Variants in ADARB2 observed in about 807,000 individuals in gnomAD.
The protein encoded by ADARB2 is adenosine deaminase RNA specific B2 (inactive), also known as inactive double-stranded RNA-specific editase B2.
A neutral mutation model predicts 62.2 loss-of-function variants in ADARB2; 25 were observed. That is an observed-to-expected ratio of 0.40 (90% CI 0.29 to 0.56). The LOEUF (loss-of-function observed/expected upper bound fraction) is 0.56, where lower values mean the gene tolerates loss of function less well. Ranked by LOEUF, ADARB2 falls within the 20% of genes least tolerant of loss-of-function variation. ADARB2 has a pLI of 0.43. For missense variants in ADARB2, 1,071 were observed against 1,077.4 expected (o/e 0.99, Z 0.08); for synonymous variants, 572 against 500.8 (o/e 1.14, Z -1.90).
In ADARB2 at chr10:1,558,959, G is replaced by A. The variant is rs538562039; in HGVS notation, c.100+178092C>T. Among the ~76,000 whole-genome samples, 10 of 152,346 alleles carry A rather than the reference G, an allele frequency of 6.6e-5. No individual in the cohort carries two copies. The East Asian group carries it at 1.2e-3, about 18-fold the overall frequency. On this transcript the variant is annotated intron_variant, in intron 1 of 9. Transcript: ENST00000381312. ...CAGTGGGCTGGTTTGTTCACGTTTG[G>A]ACTCAAAGCCTGGCACATGTACATC...
rs188676790 is a variant in ADARB2, at chr10:1,274,314, T to G, written c.1078-3245A>C. ...TTCACTGTCGTTGCCAGCTCTGGTATCCGATTCTGGGTGATTCATGGGTGT... is the reference window on the plus strand; with the variant it reads ...TTCACTGTCGTTGCCAGCTCTGGTAGCCGATTCTGGGTGATTCATGGGTGT... On this transcript the variant is annotated intron_variant, in intron 3 of 9. Coordinates refer to ENST00000381312, the MANE Select transcript of ADARB2 (RefSeq NM_018702.4). Among the ~76,000 whole-genome samples, 206 of 152,352 alleles carry G rather than the reference T, an allele frequency of 1.4e-3. 1 individual carries two copies. Among genetic ancestry groups the G allele is most frequent in the Admixed American group, 9.8e-4 (15 of 15,304 alleles).
intron 1 of ADARB2, among the ~76,000 whole-genome samples, chr10:1,472,098 T>G (rs1014229964): frequency 1.3e-5 from 2 of 152,188 alleles, no homozygotes; most frequent in Non-Finnish European, 1.5e-5. Context: ...TGAGTGCCAG[T>G]GAGACGGCTG....
chr10:1,401,322 C>T (rs1316084305), intron 1 of ADARB2, among the ~76,000 whole-genome samples: 1 of 152,196 alleles, frequency 6.6e-6, no homozygotes, highest in African/African-American at 2.4e-5. Context: ...GCACAGAGCC[C>T]TGCGGGGACC....
At chr10:1,557,238 C>CCA (rs201289350) in intron 1 of ADARB2, among the ~76,000 whole-genome samples, 1 of 21,562 alleles carries the variant, frequency 4.6e-5, no homozygotes, top group African/African-American at 7.0e-5. Context: ...CCAGCCACCA[C>CCA]CTCGTCTGAC....
In ADARB2 at chr10:1,234,757, T is replaced by C. The variant is rs1413611125; in HGVS notation, c.1362-912A>G. ...ATGATCTTTTTTTTTTTTTTTTTTT[T>C]TTTTTTTTTTTGTGACGGAGTCTTG... is the stretch of plus-strand genomic sequence containing the variant. On this transcript the variant is annotated intron_variant, in intron 5 of 9. Coordinates refer to ENST00000381312, the MANE Select transcript of ADARB2 (RefSeq NM_018702.4). 1.4e-4 allele frequency among the ~76,000 whole-genome samples: 18 copies of C among 132,550 alleles called. No individual in the cohort carries two copies. The South Asian group carries it at 1.8e-3, about 14-fold the overall frequency. The allele number at this position is 132,550 out of a possible 152,430, so 87.0% of individuals were successfully genotyped here.
intron 3 of ADARB2, among the ~76,000 whole-genome samples, chr10:1,332,457 G>T (rs1216309963): frequency 6.8e-6 from 1 of 147,832 alleles, no homozygotes; most frequent in Non-Finnish European, 1.5e-5. Flanking sequence ...AGAGTAGATA[G>T]ACTGGCTAAC....
chr10:1,364,331 C>T (rs1485534216), intron 2 of ADARB2, among the ~76,000 whole-genome samples: 2 of 152,040 alleles, frequency 1.3e-5, no homozygotes, highest in African/African-American at 2.4e-5. Context: ...AATGCCCCCC[C>T]AATACTGAGG....
chr10:1,591,363 C>G (rs12357752), intron 1 of ADARB2, among the ~76,000 whole-genome samples: 30,158 of 146,568 alleles, frequency 0.21, 3,085 homozygotes, highest in Non-Finnish European at 0.23. Flanking sequence ...TACCCCCACC[C>G]ACAGCTCATT....
At chr10:1,397,267 A>C (rs71498796) in intron 1 of ADARB2, among the ~76,000 whole-genome samples, 1 of 1,126 alleles carries the variant, frequency 8.9e-4, no homozygotes, top group African/African-American at 9.3e-4. Context: ...GGTCACCATC[A>C]GCCTCTCCCC....
rs1489800963 is a variant in ADARB2, at chr10:1,232,739, GAGT to G, written c.1513+952_1513+954del. ...GGTATGTGTGTAGTGTATGTGACAT[GAGT>G]AGTGTATGTGGTATGTGGTGTGTGT... On this transcript the variant is annotated intron_variant, in intron 6 of 9. Coordinates refer to ENST00000381312, the MANE Select transcript of ADARB2 (RefSeq NM_018702.4). 3.1e-4 allele frequency among the ~76,000 whole-genome samples: 18 copies of G among 57,522 alleles called. No homozygotes were observed. In the East Asian group the frequency reaches 0.034, roughly 109 times the overall value. The allele number at this position is 57,522 out of a possible 152,430, so 37.7% of individuals were successfully genotyped here.
intron 1 of ADARB2, among the ~76,000 whole-genome samples, chr10:1,381,177 C>T (rs61321236): frequency 0.86 from 130,268 of 150,964 alleles, 57,594 homozygotes; most frequent in East Asian, 0.98. Context: ...TGCATATACA[C>T]ACACACACAC....
At chr10:1,560,521 G>A (rs7095742) in intron 1 of ADARB2, among the ~76,000 whole-genome samples, 6 of 23,478 alleles carry the variant, frequency 2.6e-4, no homozygotes, top group East Asian at 3.9e-3. Context: ...ACCCTGGGTC[G>A]TCACACACGC....
chr10:1,578,585 G>T (rs1341587446), intron 1 of ADARB2, among the ~76,000 whole-genome samples: 1 of 151,970 alleles, frequency 6.6e-6, no homozygotes, highest in Non-Finnish European at 1.5e-5. Context: ...AGCCGTGGGT[G>T]CTGTCGGGCC....
At chr10:1,397,823 G>A (rs1832628052) in intron 1 of ADARB2, among the ~76,000 whole-genome samples, 2 of 94,378 alleles carry the variant, frequency 2.1e-5, no homozygotes, top group East Asian at 3.6e-4. Context: ...CCGAGCGCAG[G>A]CTTCCTGGGT....
chr10:1,542,673 A>G (rs1832448311), intron 1 of ADARB2, among the ~76,000 whole-genome samples: 1 of 35,072 alleles, frequency 2.9e-5, no homozygotes, highest in Admixed American at 3.4e-4. Flanking sequence ...ACAGCCGTCC[A>G]GACCCCACTC....
chr10:1,268,711 T>C (rs1831230857), intron 4 of ADARB2, among the ~76,000 whole-genome samples: 2 of 149,644 alleles, frequency 1.3e-5, no homozygotes, highest in Admixed American at 1.3e-4. Flanking sequence ...AAAATCAGTG[T>C]TTGTCTCTTT....
intron 1 of ADARB2, among the ~76,000 whole-genome samples, chr10:1,694,969 G>A (rs144746501): frequency 1.6e-3 from 238 of 152,266 alleles, no homozygotes; most frequent in African/African-American, 5.4e-3. Context: ...CGCCTGCACC[G>A]GGAGGGAGAC....
At chr10:1,653,588 G>A (rs1834140892) in intron 1 of ADARB2, among the ~76,000 whole-genome samples, 1 of 150,868 alleles carries the variant, frequency 6.6e-6, no homozygotes, top group African/African-American at 2.5e-5. Flanking sequence ...TGTGCCTGCA[G>A]AGCCACAGTC....
intron 1 of ADARB2, among the ~76,000 whole-genome samples, chr10:1,633,776 G>A (rs1006508420): frequency 9.9e-5 from 15 of 152,146 alleles, no homozygotes; most frequent in South Asian, 2.1e-4. Flanking sequence ...GTGTTCAGGG[G>A]ACAGGCTGTC....
Sources: allele counts gnomAD v4.1 joint callset (sites outside exome capture counted in the v4.1 genomes callset), GRCh38; gene constraint gnomAD v4.1.1; transcripts MANE v1.5; gene names NCBI Gene and HGNC (gene_info 2026-07-23, HGNC 2026-07-21).